The following POMT2 variants were observed in gnomAD, a reference collection of about 807,000 sequenced individuals.
POMT2 encodes the protein protein O-mannosyltransferase 2.
Under a neutral mutation model 100.0 loss-of-function variants are expected in POMT2, and 75 were observed. The observed-to-expected ratio is 0.75, with a 90% CI of 0.62 to 0.91. POMT2 has a LOEUF of 0.91. POMT2 is among the 40% of genes least tolerant of loss of function. POMT2 has a pLI of 0.00. For missense variants in POMT2, 940 were observed against 955.1 expected, an observed-to-expected ratio of 0.98 and a Z score of 0.21; for synonymous variants, 378 against 374.1, an observed-to-expected ratio of 1.01 and a Z score of -0.12.
At chr14:77,303,662 C>CT (rs1891131868) in intron 4 of POMT2, among the ~76,000 whole-genome samples, 1 of 152,188 alleles carries the variant, frequency 6.6e-6, no homozygotes, top group South Asian at 2.1e-4. Flanking sequence ...GGGCCTGATC[C>CT]TTTGTCTCAC....
At chr14:77,283,651 G>C in intron 15 of POMT2, 146 bp downstream of exon 15, 1 of 775,042 alleles carries the variant, frequency 1.3e-6, no homozygotes, top group Non-Finnish European at 2.3e-6. Flanking sequence ...AAATGCCTTT[G>C]AGGATCACAG....
At chr14:77,286,871 G>C in intron 11 of POMT2, 49 bp from the exon 12 acceptor site, 1 of 1,613,500 alleles carries the variant, frequency 6.2e-7, no homozygotes, top group Non-Finnish European at 8.5e-7. Context: ...AAGATGATGT[G>C]CAACATTTCT....
In POMT2 at chr14:77,299,397, C is replaced by T. The variant is rs1415137859; in HGVS notation, c.923+58G>A. The T allele has an allele frequency of 4.0e-5, 60 of 1,489,372 alleles. 1 individual carries two copies. The highest frequency in any genetic ancestry group is 4.5e-5 in the Non-Finnish European group (48 of 1,068,572). 92.3% of individuals were successfully genotyped at this position (1,489,372 alleles called of 1,614,324 possible). On this transcript the variant is annotated intron_variant, in intron 7 of 20. Transcript: ENST00000261534. ...CCCAGAAAATCATCCGACCCCTCCA[C>T]AGGCTTAGGAGCAAAAGGAAAACCA...
chr14:77,310,308 T>A (rs1334474651), intron 2 of POMT2, among the ~76,000 whole-genome samples: 3 of 152,216 alleles, frequency 2.0e-5, no homozygotes, highest in African/African-American at 7.2e-5. Context: ...TGGTTCCCTA[T>A]GACGAACTAC....
At chr14:77,306,303 T>C in intron 3 of POMT2, 34 bp downstream of exon 3, 1 of 1,608,538 alleles carries the variant, frequency 6.2e-7, no homozygotes, top group Non-Finnish European at 8.5e-7. Context: ...GGCCCCAGGG[T>C]TCAGTCAGTC....
At chr14:77,281,297 G>C (rs1474787874) in intron 15 of POMT2, among the ~76,000 whole-genome samples, 1 of 151,930 alleles carries the variant, frequency 6.6e-6, no homozygotes, top group East Asian at 1.9e-4. Flanking sequence ...TTGTAGACAA[G>C]TTTCTCCCTA....
At chr14:77,314,034 G>A (rs964306130) in intron 1 of POMT2, among the ~76,000 whole-genome samples, 2 of 152,142 alleles carry the variant, frequency 1.3e-5, no homozygotes, top group African/African-American at 4.8e-5. Flanking sequence ...TACTTCAAAA[G>A]TTTCCCAAGT....
In POMT2 at chr14:77,296,235, G is replaced by T; in HGVS notation, c.1045C>A (p.Arg349=). 1 of 1,608,476 alleles carries T rather than the reference G, an allele frequency of 6.2e-7. No homozygotes were observed. The highest frequency in any genetic ancestry group is 2.2e-5 in the East Asian group (1 of 44,736). The change falls in exon 9 of 21, where the codon CGG becomes AGG. Residue 349 remains arginine (R), a synonymous_variant. Transcript: ENST00000261534. ...GAGTGCAGATAGCCGATGGCCATCC[G>T]GAGGTTCTTCACAGTGATCACAGAG... ...YGSVITVKNL[R]MAIGYLHSHR... is the part of the protein sequence containing the mutation.
chr14:77,274,970 TA>T lies in POMT2; in HGVS notation c.*2405del, dbSNP rs1246344112. ...ACAACAAGGCATTCAAAACAAGTGT[TA>T]TTTATTATAAAATCAGTGGCTTCTG... On this transcript the variant is annotated 3_prime_UTR_variant, in exon 21 of 21. Coordinates refer to ENST00000261534, the MANE Select transcript of POMT2 (RefSeq NM_013382.7). 6.6e-6 allele frequency: 1 copy of T among 152,238 alleles called. No individual in the cohort carries two copies. Among genetic ancestry groups the T allele is most frequent in the Admixed American group, 6.5e-5 (1 of 15,290 alleles). The allele number at this position is 152,238 out of a possible 1,614,324, so 9.4% of individuals were successfully genotyped here.
At chr14:77,297,448 G>GA (rs1319014332) in intron 8 of POMT2, among the ~76,000 whole-genome samples, 2 of 152,078 alleles carry the variant, frequency 1.3e-5, no homozygotes, top group Admixed American at 6.6e-5. Context: ...TTCCTCCTTT[G>GA]AAAGCATCAG....
chr14:77,306,409 T>C lies in POMT2; in HGVS notation c.366A>G (p.Gly122=). The change falls in exon 3 of 21, where the codon GGA becomes GGG. Residue 122 remains glycine, a synonymous_variant. Transcript: ENST00000261534. ...TCTGGAACAAAAAGGTACCATCATA[T>C]CCACTCAGGTAGCCAGCAAGACCTA... is the stretch of plus-strand genomic sequence containing the variant. ...MLIGLAGYLS[G]YDGTFLFQKP... is the part of the protein sequence containing the mutation. The C allele has an allele frequency of 3.7e-6, 6 of 1,613,034 alleles. No homozygotes were observed. The highest frequency in any genetic ancestry group is 5.1e-6 in the Non-Finnish European group (6 of 1,179,098).
At position 77,285,601 on chromosome 14, in the gene POMT2, C is replaced by T. The variant is rs757110456; in HGVS notation, c.1364G>A (p.Arg455Gln). The change falls in exon 13 of 21, where the codon CGG (arginine) becomes CAG (glutamine). Residue 455 changes from arginine (R) to glutamine (Q), a missense_variant. Physicochemically the swap from Arg to Gln is conservative, Grantham distance 43 (BLOSUM62 1). Coordinates refer to ENST00000261534, the MANE Select transcript of POMT2 (RefSeq NM_013382.7). ...NGTGDSNDFWRIEVVNRKFGN... is the reference protein window; with the variant it reads ...NGTGDSNDFWQIEVVNRKFGN... ...AAATTTCCTGTTTACGACCTCAATC[C>T]GCCAGAAATCATTTGAGTCCCCTGT... 1.4e-5 allele frequency: 22 copies of T among 1,612,982 alleles called. 1 individual carries two copies. Among genetic ancestry groups the T allele is most frequent in the South Asian group, 1.2e-4 (11 of 91,054 alleles).
intron 1 of POMT2, among the ~76,000 whole-genome samples, chr14:77,319,346 A>C (rs1891749370): frequency 1.3e-5 from 2 of 152,210 alleles, no homozygotes; most frequent in Non-Finnish European, 2.9e-5. Context: ...CAAACTGAAA[A>C]GATGTGAGTA....
At chr14:77,285,681 G>C in intron 12 of POMT2, 49 bp from the exon 13 acceptor site, 1 of 1,576,268 alleles carries the variant, frequency 6.3e-7, no homozygotes, top group Non-Finnish European at 8.7e-7. Flanking sequence ...GGGGACTTTA[G>C]AGAAAACGTG....
rs1566656247 is a variant in POMT2, at chr14:77,301,233, AG to A, written c.672del (p.Trp225GlyfsTer7). 1.9e-6 allele frequency: 3 copies of A among 1,614,184 alleles called. No homozygotes were observed. The highest frequency in any genetic ancestry group is 1.7e-6 in the Non-Finnish European group (2 of 1,180,040). ...CCAGTCAGGCTGAGCCAGAACCACC[AG>A]GGGGCAGAGAAGGGCCTGAAAATCA... ...NSCADRPFSA[P>X]WWFWLSLTGV... On this transcript the variant is annotated frameshift_variant, in exon 6 of 21. Transcript: ENST00000261534. LOFTEE classifies it high-confidence loss of function.
At chr14:77,312,470 T>C (rs1891473303) in intron 1 of POMT2, 1 of 174,328 alleles carries the variant, frequency 5.7e-6, no homozygotes. Context: ...GAGACCATCC[T>C]GGCTAACATG....
intron 15 of POMT2, among the ~76,000 whole-genome samples, chr14:77,283,310 A>G (rs1474092214): frequency 2.0e-5 from 3 of 152,246 alleles, no homozygotes; most frequent in African/African-American, 4.8e-5. Flanking sequence ...CAAGAGCACT[A>G]TGATTTTCAG....
At chr14:77,294,416 G>A (rs1202529238) in intron 9 of POMT2, among the ~76,000 whole-genome samples, 3 of 152,282 alleles carry the variant, frequency 2.0e-5, no homozygotes, top group Middle Eastern at 3.4e-3. Context: ...CCACCTCCCC[G>A]GTTCAAGTGA....
chr14:77,306,570 C>A, intron 2 of POMT2, 129 bp from the exon 3 acceptor site: 1 of 1,021,070 alleles, frequency 9.8e-7, no homozygotes, highest in Non-Finnish European at 1.5e-6. Context: ...AAAATGTTGC[C>A]AATGCAACAT....
Sources: gnomAD v4.1 joint callset for allele counts (sites outside exome capture counted in the v4.1 genomes callset) on GRCh38, gnomAD v4.1.1 for gene constraint, MANE v1.5 for transcripts, NCBI Gene and HGNC (gene_info 2026-07-23, HGNC 2026-07-21) for gene names.